The following MATN2 variants were observed in gnomAD, a reference collection of about 807,000 sequenced individuals.
MATN2 encodes the protein matrilin-2.
In MATN2, 69 loss-of-function variants were observed where a neutral mutation model predicts 103.2. The observed-to-expected ratio is 0.67, with a 90% CI of 0.55 to 0.82. The LOEUF (loss-of-function observed/expected upper bound fraction) is 0.82. Ranked by LOEUF, MATN2 falls within the 40% of genes least tolerant of loss-of-function variation. MATN2 has a pLI of 0.00. For missense variants in MATN2, 1,023 were observed against 1,211.5 expected (o/e 0.84, Z 2.31); for synonymous variants, 429 against 450.2 (o/e 0.95, Z 0.60).
At chr8:97,901,343 T>G (rs1237565453) in intron 2 of MATN2, among the ~76,000 whole-genome samples, 1 of 152,012 alleles carries the variant, frequency 6.6e-6, no homozygotes, top group Non-Finnish European at 1.5e-5. Context: ...ACCTCCGCCT[T>G]TTGGGTTCCA....
chr8:97,870,064 C>T (rs566682756), intron 1 of MATN2, among the ~76,000 whole-genome samples: 176 of 152,288 alleles, frequency 1.2e-3, no homozygotes, highest in Middle Eastern at 3.4e-3. Flanking sequence ...CAAGAGACTT[C>T]AGGGACCCGT....
chr8:98,031,510 A>G (rs1448363057), intron 15 of MATN2: 1 of 152,214 alleles, frequency 6.6e-6, no homozygotes, highest in Non-Finnish European at 1.5e-5. Context: ...ACTAAAAATC[A>G]ATCATTATAT....
chr8:97,976,699 G>A (rs985747741), intron 5 of MATN2, among the ~76,000 whole-genome samples: 1 of 151,170 alleles, frequency 6.6e-6, no homozygotes, highest in Non-Finnish European at 1.5e-5. Context: ...TCAAATGATT[G>A]CCCTGCCTCA....
chr8:97,984,198 AC>A (rs1812122921), intron 6 of MATN2, among the ~76,000 whole-genome samples: 1 of 152,054 alleles, frequency 6.6e-6, no homozygotes, highest in Non-Finnish European at 1.5e-5. Flanking sequence ...GCATTTGAAT[AC>A]CCCCACTGAC....
chr8:97,996,077 A>G (rs1812575114), intron 7 of MATN2, among the ~76,000 whole-genome samples: 2 of 152,186 alleles, frequency 1.3e-5, no homozygotes, highest in African/African-American at 2.4e-5. Flanking sequence ...TCAAATTTGC[A>G]GACCCAAAGC....
chr8:97,998,235 AT>A (rs1271911138), intron 7 of MATN2, among the ~76,000 whole-genome samples: 14 of 151,204 alleles, frequency 9.3e-5, no homozygotes, highest in African/African-American at 3.4e-4. Flanking sequence ...TAAAAAAAAA[AT>A]CTTGCTGGGC....
At chr8:98,021,700 A>G (rs1408348297) in intron 13 of MATN2, among the ~76,000 whole-genome samples, 1 of 151,980 alleles carries the variant, frequency 6.6e-6, no homozygotes, top group Non-Finnish European at 1.5e-5. Context: ...AAAACACAAA[A>G]GAGCAAAAGG....
intron 1 of MATN2, among the ~76,000 whole-genome samples, chr8:97,886,736 TA>T (rs1183759763): frequency 6.6e-6 from 1 of 152,112 alleles, no homozygotes; most frequent in Non-Finnish European, 1.5e-5. Flanking sequence ...GGTTTTTTTT[TA>T]AGTTTTGAAA....
chr8:97,958,151 A>T (rs992243095), intron 4 of MATN2, among the ~76,000 whole-genome samples: 1 of 152,230 alleles, frequency 6.6e-6, no homozygotes, highest in Admixed American at 6.5e-5. Context: ...CTCCATTATT[A>T]TAAAAGTTCC....
intron 7 of MATN2, among the ~76,000 whole-genome samples, chr8:98,001,736 C>T (rs1812793283): frequency 6.6e-6 from 1 of 151,644 alleles, no homozygotes; most frequent in East Asian, 1.9e-4. Context: ...CCTTGGCCTT[C>T]CAAAGTGCTG....
chr8:98,035,788 A>C lies in MATN2; in HGVS notation c.*76A>C. 1.9e-5 allele frequency: 16 copies of C among 863,052 alleles called. No homozygotes were observed. Among genetic ancestry groups the C allele is most frequent in the Non-Finnish European group, 2.5e-5 (14 of 566,134 alleles). 53.5% of individuals were successfully genotyped at this position (863,052 alleles called of 1,614,324 possible). A position where few individuals can be genotyped will look rare whatever the true frequency, so the allele number is the denominator to read the frequency against. ...AACGCAGTGCAGAGCCCCAAAGCTC[A>C]GGCTATTGTTAAATCAATAATGTTG... On this transcript the variant is annotated 3_prime_UTR_variant, in exon 19 of 19. Coordinates refer to ENST00000254898, the MANE Select transcript of MATN2 (RefSeq NM_002380.5).
At chr8:97,918,826 T>A (rs1334988606) in intron 2 of MATN2, among the ~76,000 whole-genome samples, 1 of 152,142 alleles carries the variant, frequency 6.6e-6, no homozygotes, top group African/African-American at 2.4e-5. Flanking sequence ...GGGGTTTAAA[T>A]CCCTGTTCTG....
chr8:98,015,358 A>T (rs1331525804), intron 10 of MATN2, among the ~76,000 whole-genome samples: 2 of 152,138 alleles, frequency 1.3e-5, no homozygotes, highest in African/African-American at 4.8e-5. Flanking sequence ...CACTGCAGTG[A>T]CTGCCCTTCT....
At chr8:98,013,295 T>C (rs150631461) in intron 10 of MATN2, among the ~76,000 whole-genome samples, 1 of 152,322 alleles carries the variant, frequency 6.6e-6, no homozygotes, top group Non-Finnish European at 1.5e-5. Context: ...AACTGGACAT[T>C]TTGCTGAACA....
At chr8:98,008,509 A>G (rs1813049524) in intron 10 of MATN2, among the ~76,000 whole-genome samples, 2 of 152,244 alleles carry the variant, frequency 1.3e-5, no homozygotes, top group African/African-American at 2.4e-5. Context: ...TCATCTAGGC[A>G]GATGAGCTGG....
intron 13 of MATN2, among the ~76,000 whole-genome samples, chr8:98,023,944 A>G (rs1813692396): frequency 6.6e-6 from 1 of 152,200 alleles, no homozygotes; most frequent in Non-Finnish European, 1.5e-5. Flanking sequence ...ACAGAAACAG[A>G]AAACCAAACA....
chr8:97,886,046 C>CT (rs1156849522), intron 1 of MATN2, among the ~76,000 whole-genome samples: 5 of 152,046 alleles, frequency 3.3e-5, no homozygotes, highest in African/African-American at 9.6e-5. Flanking sequence ...CCATTAGATT[C>CT]TTTTTTTTAA....
At chr8:97,999,330 G>A (rs1251938130) in intron 7 of MATN2, among the ~76,000 whole-genome samples, 1 of 152,174 alleles carries the variant, frequency 6.6e-6, no homozygotes, top group Non-Finnish European at 1.5e-5. Context: ...GGAATTGCTG[G>A]ATCATATGGT....
chr8:97,899,747 G>T (rs768165598), intron 2 of MATN2, among the ~76,000 whole-genome samples: 1 of 152,134 alleles, frequency 6.6e-6, no homozygotes, highest in Non-Finnish European at 1.5e-5. Flanking sequence ...CATATGAATC[G>T]CGGGCAGGGA....
Sources: gnomAD v4.1 joint callset for allele counts (sites outside exome capture counted in the v4.1 genomes callset) on GRCh38, gnomAD v4.1.1 for gene constraint, MANE v1.5 for transcripts, NCBI Gene and HGNC (gene_info 2026-07-23, HGNC 2026-07-21) for gene names.